The following SNAPC4 variants were observed in gnomAD, a reference collection of about 807,000 sequenced individuals.
The protein encoded by SNAPC4 is snRNA-activating protein complex subunit 4.
SNAPC4 carries 127 observed loss-of-function variants against 151.3 expected under a neutral mutation model. The observed-to-expected ratio is 0.84, with a 90% confidence interval of 0.73 to 0.97. The LOEUF (loss-of-function observed/expected upper bound fraction) is 0.97. Among genes scored for constraint, SNAPC4 ranks in the 50% least tolerant of loss-of-function variants. The probability of loss-of-function intolerance (pLI) is 0.00; values close to 1 mark genes in which losing one functional copy is unlikely to be tolerated. For synonymous variants in SNAPC4, 1,002 were observed against 824.4 expected (o/e 1.22, Z -3.69); for missense variants, 2,186 against 1,935.0 (o/e 1.13, Z -2.43).
At position 136,381,333 on chromosome 9, in the gene SNAPC4, G is replaced by A. The variant is rs1460928196; in HGVS notation, c.2377C>T (p.Leu793=). 8 of 1,612,500 alleles carry A rather than the reference G, an allele frequency of 5.0e-6. No individual in the cohort carries two copies. The East Asian group carries it at 1.6e-4, about 31-fold the overall frequency. The change falls in exon 19 of 24, where the codon CTG becomes TTG. Residue 793 remains leucine, a synonymous_variant. Coordinates refer to ENST00000684778, the MANE Select transcript of SNAPC4 (RefSeq NM_003086.4). ...ARLASTPVFT[L]FTQLFHIDTA... is the part of the protein sequence containing the mutation. ...CCCAAGTAGCTTACCTGGGTAAACA[G>A]GGTAAACACAGGGGTGCTGGCCAGG...
At chr9:136,391,554 G>A (rs574042188) in intron 10 of SNAPC4, among the ~76,000 whole-genome samples, 23 of 143,246 alleles carry the variant, frequency 1.6e-4, no homozygotes, top group African/African-American at 5.5e-4. Context: ...GTAAAGAACT[G>A]AGTCCTTACT....
chr9:136,399,004 A>C (rs1257714616), intron 1 of SNAPC4, among the ~76,000 whole-genome samples: 1 of 152,252 alleles, frequency 6.6e-6, no homozygotes, highest in Non-Finnish European at 1.5e-5. Context: ...TTCTCTGTAC[A>C]TCCAGAACAA....
chr9:136,392,851 A>G (rs978265884), intron 7 of SNAPC4, 74 bp from the exon 8 acceptor site: 15 of 1,192,274 alleles, frequency 1.3e-5, no homozygotes, highest in African/African-American at 3.0e-5. Flanking sequence ...TGCACATTAC[A>G]GGGCAAGGAG....
chr9:136,398,786 C>G (rs1031957318), intron 1 of SNAPC4: 9 of 225,062 alleles, frequency 4.0e-5, no homozygotes, highest in Non-Finnish European at 4.5e-5. Context: ...GGCCACCCAG[C>G]GTAGAAGGTG....
Position 136,381,886 on chromosome 9 carries a change from A to AC in SNAPC4, c.2254dup (p.Val752GlyfsTer288). The AC allele has an allele frequency of 1.2e-6, 2 of 1,612,830 alleles. No homozygotes were observed. The highest frequency in any genetic ancestry group is 1.7e-6 in the Non-Finnish European group (2 of 1,179,956). ...TGTGCAGGGCACGACAACGTCCCCT[A>AC]CCCAAGGGGTCACAGCCAGCAGCAG... On this transcript the variant is annotated frameshift_variant, in exon 18 of 24. Coordinates refer to ENST00000684778, the MANE Select transcript of SNAPC4 (RefSeq NM_003086.4). LOFTEE classifies it high-confidence loss of function.
chr9:136,394,885 G>C lies in SNAPC4; in HGVS notation c.472-7C>G, dbSNP rs575637792. ...CCTCGTTGGCAGGTGGCCCCTGTCA[G>C]GGTGCACGGCATCACCACAAGCACA... On this transcript the variant is annotated splice_polypyrimidine_tract_variant and splice_region_variant and intron_variant, in intron 5 of 23. Coordinates refer to ENST00000684778, the MANE Select transcript of SNAPC4 (RefSeq NM_003086.4). The C allele has an allele frequency of 6.2e-7, 1 of 1,613,162 alleles. No individual in the cohort carries two copies. The highest frequency in any genetic ancestry group is 8.5e-7 in the Non-Finnish European group (1 of 1,179,482).
chr9:136,379,796 G>A (rs752164550), intron 21 of SNAPC4, 41 bp downstream of exon 21: 10 of 1,602,652 alleles, frequency 6.2e-6, no homozygotes, highest in Non-Finnish European at 8.5e-6. Context: ...GCCAGGGCCA[G>A]GTTAGGTCTC....
chr9:136,378,240 G>T lies in SNAPC4; in HGVS notation c.3587C>A (p.Pro1196His). 2 of 1,610,882 alleles carry T rather than the reference G, an allele frequency of 1.2e-6. No homozygotes were observed. The highest frequency in any genetic ancestry group is 1.7e-6 in the Non-Finnish European group (2 of 1,179,166). Residue 1196 changes from proline to histidine, a missense_variant, in exon 22 of 24, where the codon CCT (proline) becomes CAT (histidine). Coordinates refer to ENST00000684778, the MANE Select transcript of SNAPC4 (RefSeq NM_003086.4). ...CCCGGACCAAGGGGGTTCTGCTTCA[G>T]GAGGGTCAGCGTGGGAGGACGTCCT... ...EPRTSSHADP[P>H]EAEPPWSGRL...
In SNAPC4 at chr9:136,382,336, CCT is replaced by C; in HGVS notation, c.1984-2_1984-1del. 6.2e-7 allele frequency: 1 copy of C among 1,613,030 alleles called. No homozygotes were observed. Among genetic ancestry groups the C allele is most frequent in the East Asian group, 2.2e-5 (1 of 44,882 alleles). On this transcript the variant is annotated splice_acceptor_variant, in intron 16 of 23. Coordinates refer to ENST00000684778, the MANE Select transcript of SNAPC4 (RefSeq NM_003086.4). LOFTEE classifies it high-confidence loss of function. ...GGCACTGTCAGCAGACGCCTCCCAC[CCT>C]GATGAGAAAGCTGCCTGAGGCGAGG...
chr9:136,376,234 C>T (rs1833439769), intron 23 of SNAPC4, 115 bp downstream of exon 23: 2 of 1,297,178 alleles, frequency 1.5e-6, no homozygotes, highest in Non-Finnish European at 2.1e-6. Flanking sequence ...CCCACCTAAC[C>T]CAGCACACCT....
chr9:136,397,049 G>A (rs1834298854), intron 2 of SNAPC4, 26 bp from the exon 3 acceptor site: 1 of 1,608,972 alleles, frequency 6.2e-7, no homozygotes, highest in African/African-American at 1.3e-5. Context: ...GCAACACCGT[G>A]TTGGTAACCA....
In SNAPC4 at chr9:136,378,251, G is replaced by T. The variant is rs763322799; in HGVS notation, c.3576C>A (p.His1192Gln). ...GGGGTTCTGCTTCAGGAGGGTCAGC[G>T]TGGGAGGACGTCCTGGGCTCAGGTA... is the stretch of plus-strand genomic sequence containing the variant. ...REIPEPRTSSHADPPEAEPPW... is the reference protein window; with the variant it reads ...REIPEPRTSSQADPPEAEPPW... Residue 1192 changes from histidine to glutamine, a missense_variant, in exon 22 of 24, where the codon CAC becomes CAA. His to Gln is a conservative substitution (Grantham distance 24). Coordinates refer to ENST00000684778, the MANE Select transcript of SNAPC4 (RefSeq NM_003086.4). 1 of 1,608,680 alleles carries T rather than the reference G, an allele frequency of 6.2e-7. No homozygotes were observed. Among genetic ancestry groups the T allele is most frequent in the Non-Finnish European group, 8.5e-7 (1 of 1,178,176 alleles).
chr9:136,392,561 C>G lies in SNAPC4; in HGVS notation c.771G>C (p.Arg257Ser), dbSNP rs749002738. The change falls in exon 9 of 24, where the codon AGG becomes AGC. Residue 257 changes from arginine (R) to serine (S), a missense_variant. Physicochemically the swap from Arg to Ser is moderately radical, Grantham distance 110 (BLOSUM62 -1). Transcript: ENST00000684778. ...TCTTCTCCCAGTCGTGGCTGTCCAG[C>G]CTGTTTCCCAGCAAGGCCTCTTCTG... ...QLPEEALLGN[R>S]LDSHDWEKIS... 3.7e-6 allele frequency: 6 copies of G among 1,613,892 alleles called. No individual in the cohort carries two copies. Among genetic ancestry groups the G allele is most frequent in the Non-Finnish European group, 5.1e-6 (6 of 1,180,044 alleles).
intron 6 of SNAPC4, 78 bp downstream of exon 6, chr9:136,394,722 G>C (rs948325054): frequency 1.8e-5 from 24 of 1,312,428 alleles, no homozygotes; most frequent in Non-Finnish European, 2.6e-5. Context: ...TGAGAACTTG[G>C]GGAGAAACTG....
At chr9:136,395,906 G>C (rs1834253392) in intron 3 of SNAPC4, 136 bp from the exon 4 acceptor site, 1 of 866,290 alleles carries the variant, frequency 1.2e-6, no homozygotes, top group South Asian at 1.7e-5. Context: ...GTGGAAGCAG[G>C]AAGTGACCCT....
At chr9:136,398,563 G>C (rs1834352561) in intron 1 of SNAPC4, 126 bp from the exon 2 acceptor site, 1 of 1,078,748 alleles carries the variant, frequency 9.3e-7, no homozygotes, top group Non-Finnish European at 1.3e-6. Flanking sequence ...GGGCTCCCCA[G>C]AGAAAGATTA....
At chr9:136,382,407 C>G (rs1444165255) in intron 16 of SNAPC4, 71 bp from the exon 17 acceptor site, 1 of 1,265,222 alleles carries the variant, frequency 7.9e-7, no homozygotes, top group African/African-American at 1.5e-5. Flanking sequence ...CCCTCGCTGC[C>G]CACACACGAC....
In SNAPC4 at chr9:136,381,386, C is replaced by T; in HGVS notation, c.2324G>A (p.Gly775Asp). Reference sequence around the variant, plus strand: ...GGCCTGCTGCAGCTGCTCCCTGAGGCCATCCGCTGCGGGCACAGGGGGATA... The same window carrying T: ...GGCCTGCTGCAGCTGCTCCCTGAGGTCATCCGCTGCGGGCACAGGGGGATA... ...RPAVVQTQAD[G>D]LREQLQQARL... is the part of the protein sequence containing the mutation. Residue 775 changes from glycine to aspartate, a missense_variant, in exon 19 of 24, where the codon GGC becomes GAC. Coordinates refer to ENST00000684778, the MANE Select transcript of SNAPC4 (RefSeq NM_003086.4). 6.2e-7 allele frequency: 1 copy of T among 1,612,554 alleles called. No individual in the cohort carries two copies. Among genetic ancestry groups the T allele is most frequent in the South Asian group, 1.1e-5 (1 of 91,082 alleles).
intron 11 of SNAPC4, 49 bp from the exon 12 acceptor site, chr9:136,387,897 T>G: frequency 9.6e-7 from 1 of 1,037,656 alleles, no homozygotes; most frequent in Non-Finnish European, 1.5e-6. Context: ...ACACACACCC[T>G]CCATAGAGTA....
Sources: gnomAD v4.1 joint callset for allele counts (sites outside exome capture counted in the v4.1 genomes callset) on GRCh38, gnomAD v4.1.1 for gene constraint, MANE v1.5 for transcripts, NCBI Gene and HGNC (gene_info 2026-07-23, HGNC 2026-07-21) for gene names.